The following CITED2 variants were observed in gnomAD, a reference collection of about 807,000 sequenced individuals.
CITED2 encodes the protein cbp/p300-interacting transactivator 2.
CITED2 carries 2 observed loss-of-function variants against 11.8 expected under a neutral mutation model. The ratio of observed to expected loss-of-function variants is 0.17; its 90% CI spans 0.07 to 0.54. CITED2 has a LOEUF of 0.54. Ranked by LOEUF, CITED2 falls within the 20% of genes least tolerant of loss-of-function variation. The pLI is 0.94. For synonymous variants in CITED2, 210 were observed against 153.0 expected (o/e 1.37, Z -2.75); for missense variants, 437 against 390.2 (o/e 1.12, Z -1.01).
rs1433775459 is a variant in CITED2 at position 139,373,090 on chromosome 6, G to T, written c.*42C>A. On this transcript the variant is annotated 3_prime_UTR_variant, in exon 2 of 2. Coordinates refer to ENST00000367651, the MANE Select transcript of CITED2 (RefSeq NM_006079.5). ...AATGTTTCTTTTAATTCACGCCGAA[G>T]AAGTTGGGGGTTTGATTTCTTTCGC... The T allele has an allele frequency of 6.4e-7, 1 of 1,553,432 alleles. No homozygotes were observed. The highest frequency in any genetic ancestry group is 8.9e-7 in the Non-Finnish European group (1 of 1,125,014).
rs1583066120 is a variant in CITED2 at position 139,372,719 on chromosome 6, G to C, written c.*413C>G. The stretch of plus-strand genomic sequence containing the variant: ...TTCGAAGTTCATGCAACCAACTAAT[G>C]CAATTTTTCCTTTCACTCGTAAATC... On this transcript the variant is annotated 3_prime_UTR_variant, in exon 2 of 2. Transcript: ENST00000367651. The C allele has an allele frequency of 4.3e-6, 1 of 231,510 alleles. No homozygotes were observed. Among genetic ancestry groups the C allele is most frequent in the East Asian group, 9.9e-5 (1 of 10,110 alleles). 14.3% of individuals were successfully genotyped at this position (231,510 alleles called of 1,614,324 possible).
Position 139,373,460 on chromosome 6 carries a change from C to G in CITED2, c.485G>C (p.Gly162Ala), listed in dbSNP as rs904861597. 1 of 1,568,450 alleles carries G rather than the reference C, an allele frequency of 6.4e-7. No individual in the cohort carries two copies. The highest frequency in any genetic ancestry group is 1.4e-5 in the African/African-American group (1 of 73,122). Residue 162 changes from glycine (G) to alanine (A), a missense_variant, in exon 2 of 2, where the codon GGC (glycine) becomes GCC (alanine). By Grantham distance (60) the Gly-to-Ala change is moderately conservative (BLOSUM62 0). Around this residue, in one of 3 missense-constraint regions of CITED2, gnomAD observed 396 missense variants for 325.2 expected, o/e 1.22. Transcript: ENST00000367651. ...HFRDCNPKHSGGSSTPGGSGG... is the reference protein window; with the variant it reads ...HFRDCNPKHSAGSSTPGGSGG... ...CGAGCCGCCGGGGGTGCTGCTGCCG[C>G]CGCTGTGCTTGGGGTTGCAATCTCG...
In CITED2 at chr6:139,374,618, G is replaced by A. The variant is rs371401513; in HGVS notation, c.-214C>T. On this transcript the variant is annotated 5_prime_UTR_variant, in exon 1 of 2. Coordinates refer to ENST00000367651, the MANE Select transcript of CITED2 (RefSeq NM_006079.5). The stretch of plus-strand genomic sequence containing the variant: ...CTCCGTTGCCCTCACAGCTCGGCAG[G>A]ACCGCCCGGCAGCTGCCAACAATGA... The A allele has an allele frequency of 2.5e-5, 4 of 160,952 alleles. No homozygotes were observed. Among genetic ancestry groups the A allele is most frequent in the East Asian group, 1.8e-4 (1 of 5,502 alleles). 10.0% of individuals were successfully genotyped at this position (160,952 alleles called of 1,614,324 possible).
At position 139,374,529 on chromosome 6, in the gene CITED2, T is replaced by G; in HGVS notation, c.-125A>C. 4.8e-6 allele frequency: 1 copy of G among 207,394 alleles called. No homozygotes were observed. Among genetic ancestry groups the G allele is most frequent in the Non-Finnish European group, 9.7e-6 (1 of 103,480 alleles). 12.8% of individuals were successfully genotyped at this position (207,394 alleles called of 1,614,324 possible). A position where few individuals can be genotyped will look rare whatever the true frequency, so the allele number is the denominator to read the frequency against. ...CGTGCAAAGCGCTTCGCTGTCGCGA[T>G]GTCGGCGCCGAGGTCTCGCAGCGGC... On this transcript the variant is annotated 5_prime_UTR_variant, in exon 1 of 2. Transcript: ENST00000367651.
rs1778283819 is a variant in CITED2 at position 139,373,063 on chromosome 6, G to A, written c.*69C>T. 2.2e-6 allele frequency: 3 copies of A among 1,370,950 alleles called. No individual in the cohort carries two copies. The highest frequency in any genetic ancestry group is 2.3e-5 in the South Asian group (2 of 86,006). The allele number at this position is 1,370,950 out of a possible 1,614,324, so 84.9% of individuals were successfully genotyped here. A position where few individuals can be genotyped will look rare whatever the true frequency, so the allele number is the denominator to read the frequency against. On this transcript the variant is annotated 3_prime_UTR_variant, in exon 2 of 2. Coordinates refer to ENST00000367651, the MANE Select transcript of CITED2 (RefSeq NM_006079.5). Reference sequence around the variant, plus strand: ...TGAAAAGTGAGATACTGTGTCTAAGGGAATGTTTCTTTTAATTCACGCCGA... The same window carrying A: ...TGAAAAGTGAGATACTGTGTCTAAGAGAATGTTTCTTTTAATTCACGCCGA...
In CITED2 at chr6:139,373,440, C is replaced by T. The variant is rs1778298652; in HGVS notation, c.505G>A (p.Gly169Ser). Residue 169 changes from glycine to serine, a missense_variant, in exon 2 of 2, where the codon GGC becomes AGC. Gly to Ser is a moderately conservative substitution (Grantham distance 56). Transcript: ENST00000367651. ...CCGGGGGTGCTGCTGCCGCCCGAGC[C>T]GCCGGGGGTGCTGCTGCCGCCGCTG... ...KHSGGSSTPG[G>S]SGGSSTPGGS... is the part of the protein sequence containing the mutation. 4 of 1,528,734 alleles carry T rather than the reference C, an allele frequency of 2.6e-6. No homozygotes were observed. The highest frequency in any genetic ancestry group is 1.4e-5 in the African/African-American group (1 of 71,162). The allele number at this position is 1,528,734 out of a possible 1,614,324, so 94.7% of individuals were successfully genotyped here. A position where few individuals can be genotyped will look rare whatever the true frequency, so the allele number is the denominator to read the frequency against.
In CITED2 at chr6:139,373,654, C is replaced by T. The variant is rs1446331329; in HGVS notation, c.291G>A (p.Gln97=). The change falls in exon 2 of 2, where the codon CAG becomes CAA. Residue 97 remains glutamine (Q), a synonymous_variant. Transcript: ENST00000367651. ...LAPAARFNNS[Q]FMGPPVASQG... is the part of the protein sequence containing the mutation. ...GGCTGGCCACCGGGGGACCCATGAA[C>T]TGGGAGTTGTTAAACCTGGCCGCGG... 1.2e-6 allele frequency: 2 copies of T among 1,613,484 alleles called. No individual in the cohort carries two copies. Among genetic ancestry groups the T allele is most frequent in the African/African-American group, 1.3e-5 (1 of 74,910 alleles).
In CITED2 at chr6:139,373,834, A is replaced by T. The variant is rs750695326; in HGVS notation, c.111T>A (p.His37Gln). Reference protein sequence around the residue: ...RMGMGQFPSPHHHQQQQPQHA... With the variant: ...RMGMGQFPSPQHHQQQQPQHA... ...GCTGGGGCTGCTGCTGCTGGTGGTGATGGGGGCTCGGGAACTGCCCCATGC... is the reference window on the plus strand; with the variant it reads ...GCTGGGGCTGCTGCTGCTGGTGGTGTTGGGGGCTCGGGAACTGCCCCATGC... The change falls in exon 2 of 2, where the codon CAT (histidine) becomes CAA (glutamine). Residue 37 changes from histidine (H) to glutamine (Q), a missense_variant. Physicochemically the swap from His to Gln is conservative, Grantham distance 24. Coordinates refer to ENST00000367651, the MANE Select transcript of CITED2 (RefSeq NM_006079.5). 6.2e-7 allele frequency: 1 copy of T among 1,606,738 alleles called. No homozygotes were observed. Among genetic ancestry groups the T allele is most frequent in the Non-Finnish European group, 8.5e-7 (1 of 1,179,926 alleles).
At chr6:139,374,285 C>T (rs1388182973) in intron 1 of CITED2, 128 bp downstream of exon 1, 1 of 1,007,638 alleles carries the variant, frequency 9.9e-7, no homozygotes, top group Non-Finnish European at 1.4e-6. Context: ...AATCAGCCCT[C>T]CTCATCCTGT....
At chr6:139,374,297 G>T in intron 1 of CITED2, 116 bp downstream of exon 1, 1 of 878,508 alleles carries the variant, frequency 1.1e-6, no homozygotes, top group Non-Finnish European at 1.7e-6. Context: ...TCATCCTGTT[G>T]TTGCACATCC....
chr6:139,373,050 T>C lies in CITED2; in HGVS notation c.*82A>G, dbSNP rs1469361917. 2 of 1,238,332 alleles carry C rather than the reference T, an allele frequency of 1.6e-6. No homozygotes were observed. The highest frequency in any genetic ancestry group is 2.5e-4 in the Middle Eastern group (1 of 4,012). The allele number at this position is 1,238,332 out of a possible 1,614,324, so 76.7% of individuals were successfully genotyped here. A position where few individuals can be genotyped will look rare whatever the true frequency, so the allele number is the denominator to read the frequency against. ...ACCTTTCAAGATCTGAAAAGTGAGA[T>C]ACTGTGTCTAAGGGAATGTTTCTTT... On this transcript the variant is annotated 3_prime_UTR_variant, in exon 2 of 2. Transcript: ENST00000367651.
chr6:139,374,026 CG>C, intron 1 of CITED2, 74 bp from the exon 2 acceptor site: 1 of 1,533,470 alleles, frequency 6.5e-7, no homozygotes, highest in South Asian at 1.2e-5. Context: ...CACTTTTGCT[CG>C]CCTCTGCCCC....
At position 139,373,171 on chromosome 6, in the gene CITED2, G is replaced by C. The variant is rs1224139043; in HGVS notation, c.774C>G (p.Asp258Glu). Residue 258 changes from aspartate to glutamate, a missense_variant, in exon 2 of 2, where the codon GAC becomes GAG. This residue lies in a region of CITED2 where 21 missense variants were observed against 20.5 expected (regional missense o/e 1.03). Transcript: ENST00000367651. ...LGQNEFDFMT[D>E]FVCKQQPSRV... is the part of the protein sequence containing the mutation. ...TGCTGGGCTGCTGTTTGCACACGAA[G>C]TCCGTCATAAAATCAAACTCGTTTT... 6.2e-7 allele frequency: 1 copy of C among 1,614,122 alleles called. No individual in the cohort carries two copies.
In CITED2 at chr6:139,373,085, C is replaced by G. The variant is rs112007554; in HGVS notation, c.*47G>C. On this transcript the variant is annotated 3_prime_UTR_variant, in exon 2 of 2. Transcript: ENST00000367651. ...AAGGGAATGTTTCTTTTAATTCACG[C>G]CGAAGAAGTTGGGGGTTTGATTTCT... is the stretch of plus-strand genomic sequence containing the variant. The G allele has an allele frequency of 0.016, 25,086 of 1,542,996 alleles. 248 individuals carry two copies. The highest frequency in any genetic ancestry group is 0.02 in the Non-Finnish European group (22,156 of 1,115,682).
chr6:139,372,136 T>C lies in CITED2; in HGVS notation c.*996A>G, dbSNP rs1583065629. On this transcript the variant is annotated 3_prime_UTR_variant, in exon 2 of 2. Transcript: ENST00000367651. ...CGCTTAAGCTCATCATGACCTGTTTTAGTGTCCTGTAATTTATCCTTTGGA... is the reference window on the plus strand; with the variant it reads ...CGCTTAAGCTCATCATGACCTGTTTCAGTGTCCTGTAATTTATCCTTTGGA... The C allele has an allele frequency of 6.6e-6, 1 of 152,320 alleles. No individual in the cohort carries two copies. Among genetic ancestry groups the C allele is most frequent in the South Asian group, 2.1e-4 (1 of 4,826 alleles). The allele number at this position is 152,320 out of a possible 1,614,324, so 9.4% of individuals were successfully genotyped here.
In CITED2 at chr6:139,372,118, G is replaced by A. The variant is rs1013212348; in HGVS notation, c.*1014C>T. 22 of 151,988 alleles carry A rather than the reference G, an allele frequency of 1.4e-4. No individual in the cohort carries two copies. Among genetic ancestry groups the A allele is most frequent in the African/African-American group, 5.3e-4 (22 of 41,376 alleles). 9.4% of individuals were successfully genotyped at this position (151,988 alleles called of 1,614,324 possible). On this transcript the variant is annotated 3_prime_UTR_variant, in exon 2 of 2. Coordinates refer to ENST00000367651, the MANE Select transcript of CITED2 (RefSeq NM_006079.5). ...ATGTTAAATCCTGCTCTCCGCTTAAGCTCATCATGACCTGTTTTAGTGTCC... is the reference window on the plus strand; with the variant it reads ...ATGTTAAATCCTGCTCTCCGCTTAAACTCATCATGACCTGTTTTAGTGTCC...
rs765262697 is a variant in CITED2 at position 139,373,444 on chromosome 6, G to A, written c.501C>T (p.Pro167=). The A allele has an allele frequency of 7.8e-6, 12 of 1,534,256 alleles. No homozygotes were observed. The East Asian group carries it at 1.5e-4, about 19-fold the overall frequency. Residue 167 remains proline (P), a synonymous_variant, in exon 2 of 2, where the codon CCC becomes CCT. Transcript: ENST00000367651. ...GGGTGCTGCTGCCGCCCGAGCCGCC[G>A]GGGGTGCTGCTGCCGCCGCTGTGCT... ...NPKHSGGSST[P]GGSGGSSTPG...
In CITED2 at chr6:139,373,581, GGTT is replaced by G. The variant is rs779448731; in HGVS notation, c.361_363del (p.Asn121del). The G allele has an allele frequency of 1.1e-5, 17 of 1,614,114 alleles. No individual in the cohort carries two copies. Among genetic ancestry groups the G allele is most frequent in the African/African-American group, 5.3e-5 (4 of 75,042 alleles). On this transcript the variant is annotated inframe_deletion, in exon 2 of 2. Coordinates refer to ENST00000367651, the MANE Select transcript of CITED2 (RefSeq NM_006079.5). ...GGGTAGGGGTGATGGTTGAAATACT[GGTT>G]GTTGAGCTTCTGCAGCTGCATGCTG... is the stretch of plus-strand genomic sequence containing the variant.
chr6:139,373,310 A>C lies in CITED2; in HGVS notation c.635T>G (p.Met212Arg), dbSNP rs576101676. 1 of 1,612,836 alleles carries C rather than the reference A, an allele frequency of 6.2e-7. No homozygotes were observed. The highest frequency in any genetic ancestry group is 2.2e-5 in the East Asian group (1 of 44,758). The change falls in exon 2 of 2, where the codon ATG becomes AGG. Residue 212 changes from methionine to arginine, a missense_variant. This residue lies in a region of CITED2 where 396 missense variants were observed against 325.2 expected (regional missense o/e 1.22). Coordinates refer to ENST00000367651, the MANE Select transcript of CITED2 (RefSeq NM_006079.5). ...AGTGTCTATGACATTGGGCGGCAGC[A>C]TTGCAGCGGGGACGTGGGCCACGGA... ...PASVAHVPAA[M>R]LPPNVIDTDF...
Sources: gnomAD v4.1 joint callset for allele counts on GRCh38, gnomAD v4.1.1 for gene constraint, gnomAD v4.1.1 regional missense constraint, MANE v1.5 for transcripts, NCBI Gene and HGNC (gene_info 2026-07-23, HGNC 2026-07-21) for gene names.